ME1: variants seen among roughly 807,000 people sequenced by gnomAD.
ME1 encodes the protein NADP-dependent malic enzyme.
A neutral mutation model predicts 66.4 loss-of-function variants in ME1; 74 were observed. The ratio of observed to expected loss-of-function variants is 1.11; its 90% CI spans 0.92 to 1.35. The LOEUF is 1.35. ME1 is among the 40% of genes most tolerant of loss of function. ME1 has a pLI of 0.00. For missense variants in ME1, 750 were observed against 694.1 expected, an observed-to-expected ratio of 1.08 and a Z score of -0.90; for synonymous variants, 251 against 235.6, an observed-to-expected ratio of 1.07 and a Z score of -0.60.
intron 6 of ME1, among the ~76,000 whole-genome samples, chr6:83,307,093 A>T (rs1364076221): frequency 2.0e-5 from 3 of 152,142 alleles, no homozygotes; most frequent in Non-Finnish European, 4.4e-5. Context: ...CAAATCAAAT[A>T]TCAAAATACT....
intron 6 of ME1, among the ~76,000 whole-genome samples, chr6:83,305,950 A>G (rs921181865): frequency 2.0e-5 from 3 of 152,184 alleles, no homozygotes; most frequent in Non-Finnish European, 1.5e-5. Flanking sequence ...ATGGTCTTTC[A>G]AAAGGAAAAG....
At chr6:83,340,678 G>A in intron 5 of ME1, among the ~76,000 whole-genome samples, 1 of 127,010 alleles carries the variant, frequency 7.9e-6, no homozygotes, top group East Asian at 2.3e-4. Context: ...CTTGTTATGT[G>A]CTATTTTTTT....
In ME1 at chr6:83,210,819, C is replaced by T. The variant is rs979177935; in HGVS notation, c.*1105G>A. 1 of 152,132 alleles carries T rather than the reference C, an allele frequency of 6.6e-6. No homozygotes were observed. Among genetic ancestry groups the T allele is most frequent in the Non-Finnish European group, 1.5e-5 (1 of 68,014 alleles). The allele number at this position is 152,132 out of a possible 1,614,324, so 9.4% of individuals were successfully genotyped here. ...CATTAGTTTCTAAAGTAAATTAATACAGTCTGGGCATATAACTACTCTTTC... is the reference window on the plus strand; with the variant it reads ...CATTAGTTTCTAAAGTAAATTAATATAGTCTGGGCATATAACTACTCTTTC... On this transcript the variant is annotated 3_prime_UTR_variant, in exon 14 of 14. Transcript: ENST00000369705.
intron 7 of ME1, among the ~76,000 whole-genome samples, chr6:83,250,291 C>A (rs1052737064): frequency 6.6e-6 from 1 of 150,420 alleles, no homozygotes; most frequent in African/African-American, 2.4e-5. Flanking sequence ...TTCTTTAAGG[C>A]TATTACATAT....
chr6:83,376,804 C>CCAAAAAAAAAAAAAAAAAAAAAAAAA (rs768668584), intron 3 of ME1, among the ~76,000 whole-genome samples: 8 of 87,130 alleles, frequency 9.2e-5, no homozygotes, highest in African/African-American at 3.1e-4. Flanking sequence ...CCCTGTCTCA[C>CCAAAAAAAAAAAAAAAAAAAAAAAAA]AAAAAAAAAA....
At chr6:83,241,500 A>G (rs925802923) in intron 7 of ME1, among the ~76,000 whole-genome samples, 2 of 152,086 alleles carry the variant, frequency 1.3e-5, no homozygotes, top group Non-Finnish European at 2.9e-5. Context: ...ATCACTTAAA[A>G]CTCAAAATGT....
At chr6:83,382,763 T>C (rs187649269) in intron 3 of ME1, among the ~76,000 whole-genome samples, 5 of 151,968 alleles carry the variant, frequency 3.3e-5, no homozygotes, top group Non-Finnish European at 5.9e-5. Flanking sequence ...CAGAGTAGAG[T>C]TGGAAAACAT....
At chr6:83,299,922 G>A (rs1767681714) in intron 6 of ME1, among the ~76,000 whole-genome samples, 1 of 152,098 alleles carries the variant, frequency 6.6e-6, no homozygotes, top group Non-Finnish European at 1.5e-5. Context: ...TGTGTATGTT[G>A]AACCAGCCTT....
At chr6:83,254,308 C>A (rs1423554636) in intron 6 of ME1, among the ~76,000 whole-genome samples, 1 of 152,144 alleles carries the variant, frequency 6.6e-6, no homozygotes, top group African/African-American at 2.4e-5. Flanking sequence ...ACGGCCAGAT[C>A]TTCATTGTGG....
At chr6:83,286,413 T>C (rs763621283) in intron 6 of ME1, among the ~76,000 whole-genome samples, 1 of 152,306 alleles carries the variant, frequency 6.6e-6, no homozygotes, top group Non-Finnish European at 1.5e-5. Context: ...AATGCTTCTT[T>C]AACTTTTCTA....
chr6:83,391,572 C>T (rs1422240061), intron 3 of ME1, among the ~76,000 whole-genome samples: 1 of 152,128 alleles, frequency 6.6e-6, no homozygotes, highest in African/African-American at 2.4e-5. Flanking sequence ...TGTCATGTAA[C>T]TGCGTAAGAC....
At position 83,392,500 on chromosome 6, in the gene ME1, G is replaced by C. The variant is rs925371938; in HGVS notation, c.362+5867C>G. 13 of 524,904 alleles carry C rather than the reference G, an allele frequency of 2.5e-5. No homozygotes were observed. The African/African-American group carries it at 2.6e-4, about 11-fold the overall frequency. The allele number at this position is 524,904 out of a possible 1,614,324, so 32.5% of individuals were successfully genotyped here. ...GGCTGCTTTAAACTCTGGTTAAGTCGATATTGTCGCCATCAATGACCCCTT... is the reference window on the plus strand; with the variant it reads ...GGCTGCTTTAAACTCTGGTTAAGTCCATATTGTCGCCATCAATGACCCCTT... On this transcript the variant is annotated intron_variant, in intron 3 of 13. Coordinates refer to ENST00000369705, the MANE Select transcript of ME1 (RefSeq NM_002395.6).
chr6:83,410,916 T>G (rs956565615), intron 1 of ME1, among the ~76,000 whole-genome samples: 33 of 152,326 alleles, frequency 2.2e-4, no homozygotes, highest in Non-Finnish European at 8.8e-5. Flanking sequence ...TGGAAATCTT[T>G]TTATATTCTT....
chr6:83,290,235 G>T (rs1767477360), intron 6 of ME1, among the ~76,000 whole-genome samples: 1 of 152,042 alleles, frequency 6.6e-6, no homozygotes, highest in Admixed American at 6.5e-5. Flanking sequence ...GTCGATTTTA[G>T]ATCTCTCCTG....
intron 6 of ME1, among the ~76,000 whole-genome samples, chr6:83,297,691 C>T (rs1767624598): frequency 6.6e-6 from 1 of 152,094 alleles, no homozygotes; most frequent in Non-Finnish European, 1.5e-5. Context: ...CAACCCATCA[C>T]CTAAGTATTA....
At chr6:83,226,783 G>A (rs1583327811) in intron 11 of ME1, among the ~76,000 whole-genome samples, 1 of 137,008 alleles carries the variant, frequency 7.3e-6, no homozygotes, top group African/African-American at 3.6e-5. Context: ...AGGGAAAAAA[G>A]GCTCCTTTCA....
chr6:83,283,048 G>A (rs545890167), intron 6 of ME1, among the ~76,000 whole-genome samples: 1 of 150,752 alleles, frequency 6.6e-6, no homozygotes, highest in South Asian at 2.1e-4. Context: ...CTAACAAGGT[G>A]AAACCCCGTC....
Position 83,237,274 on chromosome 6 carries a change from AGAAAGGAAGGAAGGAAG to A in ME1, c.1026+426_1026+442del, listed in dbSNP as rs1336483351. Among the ~76,000 whole-genome samples the A allele has an allele frequency of 2.9e-3, 244 of 83,716 alleles. 7 individuals are homozygous for A. The highest frequency in any genetic ancestry group is 0.012 in the African/African-American group (217 of 18,322). 54.9% of individuals were successfully genotyped at this position (83,716 alleles called of 152,430 possible). A position where few individuals can be genotyped will look rare whatever the true frequency, so the allele number is the denominator to read the frequency against. On this transcript the variant is annotated intron_variant, in intron 9 of 13. Transcript: ENST00000369705. The stretch of plus-strand genomic sequence containing the variant: ...AAGAAAGAAAGAAAGAAAGAAAGAA[AGAAAGGAAGGAAGGAAG>A]GAAAGAAAGAAAAAGAAAGAAAGAA...
chr6:83,380,826 A>C (rs1225183630), intron 3 of ME1, among the ~76,000 whole-genome samples: 1 of 152,130 alleles, frequency 6.6e-6, no homozygotes, highest in Non-Finnish European at 1.5e-5. Context: ...ATTACATGTG[A>C]CTAAGAGAAT....
Sources: allele counts gnomAD v4.1 joint callset (sites outside exome capture counted in the v4.1 genomes callset), GRCh38; gene constraint gnomAD v4.1.1; transcripts MANE v1.5; gene names NCBI Gene and HGNC (gene_info 2026-07-23, HGNC 2026-07-21).